Variants in SEZ6L observed in about 807,000 individuals in gnomAD.
The protein encoded by SEZ6L is seizure 6-like protein.
A neutral mutation model predicts 106.2 loss-of-function variants in SEZ6L; 37 were observed. That is an observed-to-expected ratio of 0.35 (90% confidence interval 0.27 to 0.46). The LOEUF is 0.46. Among genes scored for constraint, SEZ6L ranks in the 20% least tolerant of loss-of-function variants. The pLI is 1.00. For synonymous variants in SEZ6L, 541 were observed against 570.4 expected (o/e 0.95, Z 0.73); for missense variants, 1,172 against 1,332.8 (o/e 0.88, Z 1.88).
chr22:26,217,460 C>T (rs1602060446), intron 1 of SEZ6L, among the ~76,000 whole-genome samples: 1 of 152,228 alleles, frequency 6.6e-6, no homozygotes, highest in Non-Finnish European at 1.5e-5. Flanking sequence ...TAAACCCCTT[C>T]CTGACTTTTG....
At chr22:26,270,022 G>A (rs1341475191) in intron 1 of SEZ6L, among the ~76,000 whole-genome samples, 1 of 152,192 alleles carries the variant, frequency 6.6e-6, no homozygotes, top group African/African-American at 2.4e-5. Context: ...CATGAAAAGT[G>A]GTTAAGGACA....
Position 26,380,361 on chromosome 22 carries a change from A to G in SEZ6L, c.*66A>G. On this transcript the variant is annotated 3_prime_UTR_variant, in exon 17 of 17. Coordinates refer to ENST00000248933, the MANE Select transcript of SEZ6L (RefSeq NM_021115.5). ...CAATCTCCTCGAGACATTCATCCAG[A>G]GACCATGTGGCACTTGATTGAAACC... 7.4e-7 allele frequency: 1 copy of G among 1,355,194 alleles called. No individual in the cohort carries two copies. The highest frequency in any genetic ancestry group is 1.1e-6 in the Non-Finnish European group (1 of 947,242). The allele number at this position is 1,355,194 out of a possible 1,614,324, so 83.9% of individuals were successfully genotyped here.
At chr22:26,236,505 G>A (rs1042526115) in intron 1 of SEZ6L, among the ~76,000 whole-genome samples, 24 of 152,140 alleles carry the variant, frequency 1.6e-4, no homozygotes, top group African/African-American at 5.6e-4. Flanking sequence ...ATGGAAACAG[G>A]AGATAGTCAA....
rs986811220 is a variant in SEZ6L, at chr22:26,381,038, T to A, written c.*743T>A. The A allele has an allele frequency of 6.6e-6, 1 of 152,004 alleles. No individual in the cohort carries two copies. The highest frequency in any genetic ancestry group is 1.9e-4 in the East Asian group (1 of 5,188). 9.4% of individuals were successfully genotyped at this position (152,004 alleles called of 1,614,324 possible). A position where few individuals can be genotyped will look rare whatever the true frequency, so the allele number is the denominator to read the frequency against. ...ATGAAGAATTGGGTGAGGGGGATCA[T>A]TGGGTAAGGGAATTGGGTTAAAATG... On this transcript the variant is annotated 3_prime_UTR_variant, in exon 17 of 17. Transcript: ENST00000248933.
At chr22:26,326,487 GCT>G (rs2082309168) in intron 9 of SEZ6L, among the ~76,000 whole-genome samples, 1 of 152,130 alleles carries the variant, frequency 6.6e-6, no homozygotes, top group Non-Finnish European at 1.5e-5. Flanking sequence ...TTTGTGCCAA[GCT>G]CTGTTCTGAG....
intron 11 of SEZ6L, among the ~76,000 whole-genome samples, chr22:26,350,368 CAG>C (rs2083235138): frequency 6.6e-6 from 1 of 151,814 alleles, no homozygotes; most frequent in African/African-American, 2.4e-5. Flanking sequence ...GCTGGAAAAA[CAG>C]GTGTACCCCA....
At chr22:26,184,905 G>A (rs1448999146) in intron 1 of SEZ6L, among the ~76,000 whole-genome samples, 1 of 152,148 alleles carries the variant, frequency 6.6e-6, no homozygotes, top group Non-Finnish European at 1.5e-5. Context: ...ACAACCTGGT[G>A]AAACCTCATT....
intron 5 of SEZ6L, among the ~76,000 whole-genome samples, chr22:26,301,207 C>T (rs1374551686): frequency 2.0e-5 from 3 of 152,194 alleles, no homozygotes; most frequent in Non-Finnish European, 2.9e-5. Flanking sequence ...AGTCTGGTGC[C>T]CTCTAGTAAA....
At chr22:26,170,061 G>T (rs933376141) in intron 1 of SEZ6L, among the ~76,000 whole-genome samples, 2 of 152,134 alleles carry the variant, frequency 1.3e-5, no homozygotes, top group African/African-American at 4.8e-5. Flanking sequence ...TCTCCTTGGA[G>T]TGGGGTCGCC....
At chr22:26,275,900 G>A (rs1358531565) in intron 1 of SEZ6L, among the ~76,000 whole-genome samples, 2 of 152,128 alleles carry the variant, frequency 1.3e-5, no homozygotes, top group Admixed American at 6.5e-5. Context: ...AATAGGTGGT[G>A]CTCACTCTGG....
chr22:26,328,107 C>T (rs1161400719), intron 9 of SEZ6L, among the ~76,000 whole-genome samples: 1 of 152,168 alleles, frequency 6.6e-6, no homozygotes, highest in Admixed American at 6.5e-5. Context: ...TTGGTCATGG[C>T]CATTGTTAAT....
Position 26,382,215 on chromosome 22 carries a change from T to A in SEZ6L, c.*1920T>A, listed in dbSNP as rs2084431153. 1 of 267,724 alleles carries A rather than the reference T, an allele frequency of 3.7e-6. No homozygotes were observed. Among genetic ancestry groups the A allele is most frequent in the African/African-American group, 2.2e-5 (1 of 45,238 alleles). The allele number at this position is 267,724 out of a possible 1,614,324, so 16.6% of individuals were successfully genotyped here. A position where few individuals can be genotyped will look rare whatever the true frequency, so the allele number is the denominator to read the frequency against. On this transcript the variant is annotated 3_prime_UTR_variant, in exon 17 of 17. Transcript: ENST00000248933. ...CCAGAGAAGTGTTCTAGGCCATTAG[T>A]GGACAATGTCATGTTTGGAGAAAGA...
intron 1 of SEZ6L, among the ~76,000 whole-genome samples, chr22:26,217,848 A>G (rs1030036627): frequency 2.6e-5 from 4 of 152,252 alleles, no homozygotes; most frequent in Admixed American, 6.5e-5. Context: ...CTGCGATGGA[A>G]GGCGAAGTGC....
At position 26,365,553 on chromosome 22, in the gene SEZ6L, G is replaced by A. The variant is rs771978195; in HGVS notation, c.2781G>A (p.Leu927=). Residue 927 remains leucine (L), a synonymous_variant, in exon 13 of 17, where the codon CTG becomes CTA. Coordinates refer to ENST00000248933, the MANE Select transcript of SEZ6L (RefSeq NM_021115.5). The part of the protein sequence containing the change: ...LGQPSHWNGP[L]PVCKVNQDSF... ...AGCCATCCCACTGGAACGGGCCCCT[G>A]CCCGTGTGTAAAGGTAAAGAAACCT... 20 of 1,613,492 alleles carry A rather than the reference G, an allele frequency of 1.2e-5. No individual in the cohort carries two copies. Among genetic ancestry groups the A allele is most frequent in the Non-Finnish European group, 1.5e-5 (18 of 1,179,680 alleles).
At chr22:26,270,075 G>A (rs2080314345) in intron 1 of SEZ6L, among the ~76,000 whole-genome samples, 1 of 152,162 alleles carries the variant, frequency 6.6e-6, no homozygotes, top group Non-Finnish European at 1.5e-5. Flanking sequence ...TGCTAAGCCT[G>A]CCTTCAGAAG....
intron 1 of SEZ6L, 67 bp downstream of exon 1, chr22:26,169,830 C>A: frequency 2.5e-6 from 2 of 795,740 alleles, no homozygotes; most frequent in South Asian, 1.1e-4. Context: ...AGCCAGGGGT[C>A]GGGGCTGACC....
At chr22:26,280,058 C>T (rs1319825930) in intron 1 of SEZ6L, among the ~76,000 whole-genome samples, 2 of 152,134 alleles carry the variant, frequency 1.3e-5, no homozygotes, top group East Asian at 3.8e-4. Context: ...TGAGCCCAAA[C>T]CTCATTTCTA....
chr22:26,317,665 C>T (rs2082042758), intron 9 of SEZ6L, among the ~76,000 whole-genome samples: 1 of 152,098 alleles, frequency 6.6e-6, no homozygotes, highest in Non-Finnish European at 1.5e-5. Flanking sequence ...GAACCTCATG[C>T]AATTAAAGCT....
In SEZ6L at chr22:26,324,064, C is replaced by CCACACACACACACA. The variant is rs71311560; in HGVS notation, c.2015+10187_2015+10200dup. On this transcript the variant is annotated intron_variant, in intron 9 of 16. Transcript: ENST00000248933. ...CTCTAAGACCAAAGCCAGTTTTTAA[C>CCACACACACACACA]CACACACACACACACACACACACAC... Among the ~76,000 whole-genome samples the CCACACACACACACA allele has an allele frequency of 4.8e-3, 672 of 140,224 alleles. 3 individuals are homozygous for CCACACACACACACA. Among genetic ancestry groups the CCACACACACACACA allele is most frequent in the Middle Eastern group, 0.018 (5 of 280 alleles). The allele number at this position is 140,224 out of a possible 152,430, so 92.0% of individuals were successfully genotyped here. A position where few individuals can be genotyped will look rare whatever the true frequency, so the allele number is the denominator to read the frequency against.
Sources: gnomAD v4.1 joint callset for allele counts (sites outside exome capture counted in the v4.1 genomes callset) on GRCh38, gnomAD v4.1.1 for gene constraint, MANE v1.5 for transcripts, NCBI Gene and HGNC (gene_info 2026-07-23, HGNC 2026-07-21) for gene names.